Variants in MCPH1 observed in about 807,000 individuals in gnomAD.
The protein encoded by MCPH1 is microcephalin.
Under a neutral mutation model 84.5 loss-of-function variants are expected in MCPH1, and 104 were observed. That is an observed-to-expected ratio of 1.23 (90% CI 1.05 to 1.45). MCPH1 has a LOEUF of 1.45. Among genes scored for constraint, MCPH1 ranks in the 40% most tolerant of loss-of-function variants. The pLI, the probability that MCPH1 is intolerant of heterozygous loss-of-function variation, is 0.00. For missense variants in MCPH1, 1,498 were observed against 1,005.7 expected (o/e 1.49, Z -6.62); for synonymous variants, 514 against 366.8 (o/e 1.40, Z -4.58).
At chr8:6,407,171 T>G in intron 1 of MCPH1, 1 of 229,778 alleles carries the variant, frequency 4.4e-6, no homozygotes, top group Non-Finnish European at 8.8e-6. Context: ...GGGGCCCTCC[T>G]GGGTCTGGTC....
intron 3 of MCPH1, among the ~76,000 whole-genome samples, chr8:6,418,549 T>A (rs1437951557): frequency 6.6e-6 from 1 of 152,190 alleles, no homozygotes; most frequent in East Asian, 1.9e-4. Flanking sequence ...CAACATTATT[T>A]GATCTTTTTG....
chr8:6,527,590 C>T (rs770508551), intron 12 of MCPH1: 1 of 1,613,990 alleles, frequency 6.2e-7, no homozygotes, highest in South Asian at 1.1e-5. Context: ...TTTCACTGGT[C>T]TGGTCCAAAA....
chr8:6,443,058 T>A (rs908275826), intron 7 of MCPH1, among the ~76,000 whole-genome samples: 2 of 152,236 alleles, frequency 1.3e-5, no homozygotes, highest in Non-Finnish European at 2.9e-5. Flanking sequence ...TTTTTGTTGT[T>A]GTAGGCACTC....
chr8:6,565,873 A>G (rs1179334509), intron 12 of MCPH1, among the ~76,000 whole-genome samples: 1 of 152,184 alleles, frequency 6.6e-6, no homozygotes, highest in African/African-American at 2.4e-5. Flanking sequence ...CATCCTTTTC[A>G]AATTCCCTCA....
rs558584144 is a variant in MCPH1, at chr8:6,472,172, T to C, written c.1936-5422T>C. The stretch of plus-strand genomic sequence containing the variant: ...GAAAAAATCTTCAGATATAACAAAA[T>C]AGTCCCAAGACATAATATACAATGA... On this transcript the variant is annotated intron_variant, in intron 9 of 13. Transcript: ENST00000344683. 7.9e-5 allele frequency among the ~76,000 whole-genome samples: 12 copies of C among 152,250 alleles called. No individual in the cohort carries two copies. The South Asian group carries it at 2.5e-3, about 32-fold the overall frequency.
chr8:6,486,719 A>C lies in MCPH1; in HGVS notation c.2136+5843A>C, dbSNP rs146745218. 2.3e-3 allele frequency among the ~76,000 whole-genome samples: 347 copies of C among 152,308 alleles called. 4 individuals are homozygous for C. The highest frequency in any genetic ancestry group is 8.0e-3 in the African/African-American group (334 of 41,560). ...ACTGAATTGTCTGGCAGATACATGG[A>C]AATAGAAAACCATGCCAGGAGTTGC... On this transcript the variant is annotated intron_variant, in intron 11 of 13. Coordinates refer to ENST00000344683, the MANE Select transcript of MCPH1 (RefSeq NM_024596.5).
chr8:6,523,877 G>T (rs1487195657), intron 12 of MCPH1, among the ~76,000 whole-genome samples: 1 of 145,908 alleles, frequency 6.9e-6, no homozygotes, highest in Non-Finnish European at 1.5e-5. Flanking sequence ...ATGAGCCACC[G>T]TGCCTGGCTG....
At chr8:6,574,981 A>G (rs1389675530) in intron 12 of MCPH1, among the ~76,000 whole-genome samples, 14 of 152,216 alleles carry the variant, frequency 9.2e-5, no homozygotes. Flanking sequence ...AGTAAGAGGG[A>G]AGTCAAGAAT....
chr8:6,634,120 T>C (rs1443333957), intron 13 of MCPH1, among the ~76,000 whole-genome samples: 1 of 151,990 alleles, frequency 6.6e-6, no homozygotes, highest in African/African-American at 2.4e-5. Flanking sequence ...AAGATGTGAA[T>C]AGTGTATTGA....
chr8:6,499,972 T>C (rs1811835076), intron 12 of MCPH1, 43 bp downstream of exon 12: 9 of 1,533,960 alleles, frequency 5.9e-6, no homozygotes, highest in African/African-American at 2.7e-5. Flanking sequence ...CAGTTTGCTG[T>C]TCTCAAGAAA....
chr8:6,503,317 C>G (rs779212052), intron 12 of MCPH1: 28 of 1,591,526 alleles, frequency 1.8e-5, no homozygotes, highest in Middle Eastern at 1.7e-4. Flanking sequence ...GCTCCCACCA[C>G]GAAGACAGCA....
chr8:6,591,679 C>G (rs999603846), intron 12 of MCPH1, among the ~76,000 whole-genome samples: 3 of 152,162 alleles, frequency 2.0e-5, no homozygotes, highest in African/African-American at 7.2e-5. Context: ...TCCTTTCCTC[C>G]TGCTTCAGTG....
intron 12 of MCPH1, among the ~76,000 whole-genome samples, chr8:6,515,447 C>T (rs1403977863): frequency 6.6e-6 from 1 of 152,184 alleles, no homozygotes; most frequent in Admixed American, 6.5e-5. Flanking sequence ...CTTCACGCTT[C>T]TCTGTACATA....
chr8:6,418,698 C>T (rs1799681487), intron 3 of MCPH1, among the ~76,000 whole-genome samples: 1 of 152,204 alleles, frequency 6.6e-6, no homozygotes, highest in African/African-American at 2.4e-5. Context: ...TCTCCTGCCT[C>T]AGCCTCCCGA....
In MCPH1 at chr8:6,465,162, A is replaced by C. The variant is rs188467261; in HGVS notation, c.1935+9910A>C. Reference sequence around the variant, plus strand: ...AGCTTAATGATAGTAAACTGTGCTAAATGGGTCTAGAAATATCCAATTAAT... The same window carrying C: ...AGCTTAATGATAGTAAACTGTGCTACATGGGTCTAGAAATATCCAATTAAT... On this transcript the variant is annotated intron_variant, in intron 9 of 13. Coordinates refer to ENST00000344683, the MANE Select transcript of MCPH1 (RefSeq NM_024596.5). Among the ~76,000 whole-genome samples the C allele has an allele frequency of 2.9e-3, 447 of 152,320 alleles. 1 individual carries two copies. Among genetic ancestry groups the C allele is most frequent in the African/African-American group, 0.01 (430 of 41,584 alleles).
intron 12 of MCPH1, 80 bp from the exon 13 acceptor site, chr8:6,621,374 A>T: frequency 6.5e-7 from 1 of 1,538,336 alleles, no homozygotes; most frequent in East Asian, 2.2e-5. Flanking sequence ...TAAAAAAGGA[A>T]GTAAACTGCA....
rs1456652780 is a variant in MCPH1 at position 6,505,353 on chromosome 8, TTCTA to T, written c.2214+5426_2214+5429del. Among the ~76,000 whole-genome samples the T allele has an allele frequency of 4.2e-3, 286 of 68,802 alleles. 30 individuals are homozygous for T. The highest frequency in any genetic ancestry group is 0.019 in the African/African-American group (267 of 14,216). The allele number at this position is 68,802 out of a possible 152,430, so 45.1% of individuals were successfully genotyped here. A position where few individuals can be genotyped will look rare whatever the true frequency, so the allele number is the denominator to read the frequency against. ...CATATAGAAAGAATATATATATTCT[TTCTA>T]TATGTATATAGAATATATATATTCT... On this transcript the variant is annotated intron_variant, in intron 12 of 13. Transcript: ENST00000344683.
intron 9 of MCPH1, among the ~76,000 whole-genome samples, chr8:6,463,143 C>T (rs919240108): frequency 6.6e-6 from 1 of 152,188 alleles, no homozygotes; most frequent in Non-Finnish European, 1.5e-5. Flanking sequence ...AGCTGATGGT[C>T]ATCCTCCCAT....
chr8:6,626,638 G>A (rs1288647986), intron 13 of MCPH1: 16 of 984,736 alleles, frequency 1.6e-5, no homozygotes, highest in Non-Finnish European at 1.9e-5. Context: ...ATTTGCTAAT[G>A]GTTGCATTTT....
Sources: allele counts gnomAD v4.1 joint callset (sites outside exome capture counted in the v4.1 genomes callset), GRCh38; gene constraint gnomAD v4.1.1; transcripts MANE v1.5; gene names NCBI Gene and HGNC (gene_info 2026-07-23, HGNC 2026-07-21).